TACC2: variants seen among roughly 807,000 people sequenced by gnomAD.
TACC2 encodes transforming acidic coiled-coil-containing protein 2.
In TACC2, 137 loss-of-function variants were observed where a neutral mutation model predicts 227.3. That is an observed-to-expected ratio of 0.60 (90% CI 0.52 to 0.69). The LOEUF is 0.69. TACC2 is among the 30% of genes least tolerant of loss of function. The pLI is 0.00. For synonymous variants in TACC2, 1,523 were observed against 1,487.5 expected (o/e 1.02, Z -0.55); for missense variants, 3,470 against 3,694.4 (o/e 0.94, Z 1.57).
intron 10 of TACC2, 145 bp from the exon 11 acceptor site, chr10:122,216,482 A>G: frequency 2.9e-6 from 2 of 692,924 alleles, no homozygotes. Context: ...TCCTTAATGG[A>G]CCATTTGGAG....
intron 15 of TACC2, among the ~76,000 whole-genome samples, chr10:122,230,022 C>T (rs937488026): frequency 2.6e-5 from 4 of 152,110 alleles, no homozygotes; most frequent in African/African-American, 9.7e-5. Flanking sequence ...TTCATGGAAA[C>T]TATTGGCCAA....
At chr10:122,057,662 T>TA (rs36028350) in intron 3 of TACC2, among the ~76,000 whole-genome samples, 119,843 of 150,926 alleles carry the variant, frequency 0.79, 48,042 homozygotes, top group East Asian at 0.95. Flanking sequence ...ATTAAAAAAT[T>TA]AAAAAAAATT....
chr10:122,044,885 G>A (rs1364425885), intron 2 of TACC2, among the ~76,000 whole-genome samples: 1 of 152,092 alleles, frequency 6.6e-6, no homozygotes, highest in East Asian at 1.9e-4. Context: ...GCGAGTCCAC[G>A]TGTCCTGTAA....
intron 5 of TACC2, among the ~76,000 whole-genome samples, chr10:122,109,553 C>T (rs988166024): frequency 6.6e-6 from 1 of 152,166 alleles, no homozygotes; most frequent in African/African-American, 2.4e-5. Context: ...TTCAGCAATG[C>T]TAGTCCTGTT....
intron 3 of TACC2, among the ~76,000 whole-genome samples, chr10:122,058,717 C>G (rs7474811): frequency 0.12 from 17,583 of 151,904 alleles, 1,233 homozygotes; most frequent in Non-Finnish European, 0.16. Context: ...CACTGCAACT[C>G]TTTATAAGAA....
chr10:122,033,957 G>A (rs568113777), intron 2 of TACC2, among the ~76,000 whole-genome samples: 1 of 152,066 alleles, frequency 6.6e-6, no homozygotes, highest in Non-Finnish European at 1.5e-5. Flanking sequence ...TTCGAGACCA[G>A]CCTGACCAAC....
intron 1 of TACC2, among the ~76,000 whole-genome samples, chr10:122,002,201 C>T (rs1954463510): frequency 6.6e-6 from 1 of 152,222 alleles, no homozygotes; most frequent in South Asian, 2.1e-4. Flanking sequence ...GGGTACTAAT[C>T]TCATTCATGA....
chr10:122,195,648 A>G (rs896974859), intron 8 of TACC2, among the ~76,000 whole-genome samples: 1 of 152,208 alleles, frequency 6.6e-6, no homozygotes, highest in Non-Finnish European at 1.5e-5. Context: ...CTGATTTCAT[A>G]TCACTTTCCC....
At chr10:122,020,745 A>C (rs1957230593) in intron 1 of TACC2, among the ~76,000 whole-genome samples, 1 of 152,150 alleles carries the variant, frequency 6.6e-6, no homozygotes, top group African/African-American at 2.4e-5. Context: ...TAGACTGGTC[A>C]TCTCTACGGC....
Position 122,161,444 on chromosome 10 carries a change from T to C in TACC2, c.5834+17738T>C, listed in dbSNP as rs117761202. On this transcript the variant is annotated intron_variant, in intron 7 of 22. Coordinates refer to ENST00000369005, the MANE Select transcript of TACC2 (RefSeq NM_206862.4). ...TAAGAATCCTGGTCCTGGGCATTCA[T>C]AGATGGTATTTAATTTACTTTTTCC... 6.8e-3 allele frequency among the ~76,000 whole-genome samples: 1,033 copies of C among 152,376 alleles called. 33 individuals are homozygous for C. The East Asian group carries it at 0.092, about 14-fold the overall frequency.
chr10:122,120,550 A>G (rs1446313619), intron 5 of TACC2, among the ~76,000 whole-genome samples: 2 of 152,046 alleles, frequency 1.3e-5, no homozygotes, highest in South Asian at 2.1e-4. Context: ...GTCGCACATC[A>G]TGAGTCGACG....
chr10:122,082,914 C>A lies in TACC2; in HGVS notation c.414C>A (p.Pro138=). Residue 138 remains proline, a synonymous_variant, in exon 4 of 23, where the codon CCC becomes CCA. Coordinates refer to ENST00000369005, the MANE Select transcript of TACC2 (RefSeq NM_206862.4). ...APEDGPQTQS[P]RREPAPNAPG... ...AAGATGGTCCTCAGACTCAGTCTCC[C>A]AGGAGGGAACCTGCCCCAAATGCCC... 1 of 1,613,180 alleles carries A rather than the reference C, an allele frequency of 6.2e-7. No homozygotes were observed. The highest frequency in any genetic ancestry group is 8.5e-7 in the Non-Finnish European group (1 of 1,180,016).
At chr10:122,149,711 C>T (rs912981969) in intron 7 of TACC2, among the ~76,000 whole-genome samples, 2 of 152,240 alleles carry the variant, frequency 1.3e-5, no homozygotes, top group Non-Finnish European at 2.9e-5. Context: ...GGCACTTTGC[C>T]TTGTAGGCGG....
Position 122,087,964 on chromosome 10 carries a change from T to G in TACC2, c.5459+5T>G, listed in dbSNP as rs1391276503. 1.3e-6 allele frequency: 2 copies of G among 1,495,906 alleles called. No homozygotes were observed. The highest frequency in any genetic ancestry group is 1.8e-6 in the Non-Finnish European group (2 of 1,123,680). The allele number at this position is 1,495,906 out of a possible 1,614,324, so 92.7% of individuals were successfully genotyped here. On this transcript the variant is annotated splice_donor_5th_base_variant and intron_variant, in intron 4 of 22. Transcript: ENST00000369005. ...AGAAGAGCTCCACACTGACAGGTAC[T>G]TAAATGAAAAAATTCCCACGGGAAT...
chr10:122,186,893 G>C (rs1358901121), intron 7 of TACC2, among the ~76,000 whole-genome samples: 7 of 152,182 alleles, frequency 4.6e-5, no homozygotes, highest in Non-Finnish European at 1.5e-5. Context: ...TGTGTGCGAA[G>C]GCAAGGAAAC....
intron 19 of TACC2, 40 bp downstream of exon 19, chr10:122,242,041 T>C (rs752480205): frequency 3.8e-5 from 61 of 1,595,402 alleles, no homozygotes; most frequent in Non-Finnish European, 5.2e-5. Flanking sequence ...CCGGCCCCGA[T>C]GTTTCTGAAC....
chr10:122,043,493 TTC>T (rs2074569490), intron 2 of TACC2, among the ~76,000 whole-genome samples: 1 of 148,614 alleles, frequency 6.7e-6, no homozygotes. Flanking sequence ...TTCTTTTTCT[TTC>T]TTTCTTTTTC....
chr10:122,189,033 T>C (rs1380317092), intron 7 of TACC2, among the ~76,000 whole-genome samples: 1 of 152,072 alleles, frequency 6.6e-6, no homozygotes, highest in Non-Finnish European at 1.5e-5. Flanking sequence ...TGTTCTTATT[T>C]AGCTAAATAT....
intron 5 of TACC2, among the ~76,000 whole-genome samples, chr10:122,094,553 A>G (rs2137387906): frequency 6.6e-6 from 1 of 152,318 alleles, no homozygotes; most frequent in East Asian, 1.9e-4. Flanking sequence ...CACTGGGATT[A>G]TTATAGGCAT....
Sources: gnomAD v4.1 joint callset for allele counts (sites outside exome capture counted in the v4.1 genomes callset) on GRCh38, gnomAD v4.1.1 for gene constraint, MANE v1.5 for transcripts, NCBI Gene and HGNC (gene_info 2026-07-23, HGNC 2026-07-21) for gene names.